Variants in FARS2 observed in about 807,000 individuals in gnomAD.
FARS2 encodes the protein phenylalanyl-tRNA synthetase 2, mitochondrial, also known as phenylalanine--tRNA ligase, mitochondrial.
Under a neutral mutation model 46.4 loss-of-function variants are expected in FARS2, and 40 were observed. That is an observed-to-expected ratio of 0.86 (90% CI 0.67 to 1.12). The LOEUF (loss-of-function observed/expected upper bound fraction) is 1.12. FARS2 is among the 50% of genes most tolerant of loss of function. The probability of loss-of-function intolerance (pLI) is 0.00; values close to 1 mark genes in which losing one functional copy is unlikely to be tolerated. For synonymous variants in FARS2, 234 were observed against 214.9 expected (o/e 1.09, Z -0.78); for missense variants, 513 against 567.9 (o/e 0.90, Z 0.98).
chr6:5,261,966 T>C lies in FARS2; in HGVS notation c.-22+306T>C, dbSNP rs573167630. On this transcript the variant is annotated intron_variant, in intron 1 of 6. Transcript: ENST00000274680. The stretch of plus-strand genomic sequence containing the variant: ...TATTAAAGTGGTGGATAAAGTTGCT[T>C]GTTCTGATCTTTGAGCATGGCACTG... Among the ~76,000 whole-genome samples, 5 of 152,312 alleles carry C rather than the reference T, an allele frequency of 3.3e-5. No individual in the cohort carries two copies. In the East Asian group the frequency reaches 9.7e-4, roughly 29 times the overall value.
chr6:5,734,181 G>C (rs1760807368), intron 6 of FARS2, among the ~76,000 whole-genome samples: 1 of 152,162 alleles, frequency 6.6e-6, no homozygotes, highest in Non-Finnish European at 1.5e-5. Flanking sequence ...AGAAAGCTAG[G>C]CTGGAGCAGG....
intron 6 of FARS2, among the ~76,000 whole-genome samples, chr6:5,652,528 G>A (rs1582675570): frequency 6.6e-6 from 1 of 152,338 alleles, no homozygotes; most frequent in African/African-American, 2.4e-5. Context: ...TCCCATCCCA[G>A]GCAGAAATGA....
chr6:5,264,285 A>T (rs1765391749), intron 1 of FARS2, among the ~76,000 whole-genome samples: 1 of 152,096 alleles, frequency 6.6e-6, no homozygotes, highest in Non-Finnish European at 1.5e-5. Context: ...AAAAGAAATT[A>T]TTCTATTCTA....
intron 1 of FARS2, among the ~76,000 whole-genome samples, chr6:5,324,379 C>T (rs569070010): frequency 6.7e-6 from 1 of 149,662 alleles, no homozygotes; most frequent in Non-Finnish European, 1.5e-5. Context: ...CTTTCTCTTT[C>T]CTTACTTGCC....
At chr6:5,477,514 C>T (rs1428003016) in intron 4 of FARS2, among the ~76,000 whole-genome samples, 7 of 152,118 alleles carry the variant, frequency 4.6e-5, no homozygotes, top group African/African-American at 7.2e-5. Context: ...TGTCTCACTG[C>T]GGCATCTCCA....
chr6:5,554,825 G>A (rs890223637), intron 5 of FARS2, among the ~76,000 whole-genome samples: 8 of 152,170 alleles, frequency 5.3e-5, no homozygotes, highest in African/African-American at 1.7e-4. Context: ...ACTCCAGAGA[G>A]CTCCTAATAT....
At chr6:5,489,315 G>A (rs10223437) in intron 4 of FARS2, among the ~76,000 whole-genome samples, 20,174 of 152,052 alleles carry the variant, frequency 0.13, 1,552 homozygotes, top group Non-Finnish European at 0.17. Flanking sequence ...ATAGCCAGGC[G>A]TGATGGTGCA....
At chr6:5,496,449 G>C (rs912635887) in intron 4 of FARS2, among the ~76,000 whole-genome samples, 4 of 152,102 alleles carry the variant, frequency 2.6e-5, no homozygotes, top group Admixed American at 2.0e-4. Flanking sequence ...CAAGAGATGA[G>C]GGTGTGCGTG....
intron 1 of FARS2, among the ~76,000 whole-genome samples, chr6:5,281,501 G>C (rs145344939): frequency 8.5e-5 from 13 of 152,148 alleles, no homozygotes; most frequent in Admixed American, 3.9e-4. Context: ...CCATTTTTAA[G>C]TGTGCAGTTC....
chr6:5,407,066 T>TATATATATATATATATAA (rs70975905), intron 3 of FARS2, among the ~76,000 whole-genome samples: 5,912 of 108,470 alleles, frequency 0.055, 539 homozygotes, highest in Non-Finnish European at 0.083. Context: ...TATATATATA[T>TATATATATATATATATAA]AATGACCAAT....
chr6:5,630,648 C>T lies in FARS2; in HGVS notation c.1217+17328C>T, dbSNP rs1217537584. ...TTTACCCGTTCTGATTTTCCTTCCT[C>T]GTATAGCTCACTTGAAGGGTGGGAT... On this transcript the variant is annotated intron_variant, in intron 6 of 6. Coordinates refer to ENST00000274680, the MANE Select transcript of FARS2 (RefSeq NM_006567.5). The surrounding 1 kb of genome is among the most constrained non-coding windows in gnomAD (Gnocchi z 4.2). 2.6e-5 allele frequency among the ~76,000 whole-genome samples: 4 copies of T among 152,188 alleles called. No individual in the cohort carries two copies. Among genetic ancestry groups the T allele is most frequent in the Admixed American group, 6.5e-5 (1 of 15,280 alleles).
intron 1 of FARS2, among the ~76,000 whole-genome samples, chr6:5,349,449 G>GT (rs200835315): frequency 2.6e-5 from 4 of 151,536 alleles, no homozygotes; most frequent in African/African-American, 4.8e-5. Context: ...TATCAGCAAA[G>GT]TTTTTTTTTC....
rs560971979 is a variant in FARS2 at position 5,579,597 on chromosome 6, T to G, written c.1066-33572T>G. Among the ~76,000 whole-genome samples the G allele has an allele frequency of 2.1e-3, 324 of 152,320 alleles. 2 individuals are homozygous for G. Among genetic ancestry groups the G allele is most frequent in the African/African-American group, 6.8e-3 (284 of 41,568 alleles). On this transcript the variant is annotated intron_variant, in intron 5 of 6. Transcript: ENST00000274680. ...ACTATTATGAGGTTTTAATGCCTGTTCTCTGGGTTTAGCAGAAGGAACAAG... is the reference window on the plus strand; with the variant it reads ...ACTATTATGAGGTTTTAATGCCTGTGCTCTGGGTTTAGCAGAAGGAACAAG...
chr6:5,482,279 A>G (rs1191788493), intron 4 of FARS2, among the ~76,000 whole-genome samples: 1 of 152,138 alleles, frequency 6.6e-6, no homozygotes, highest in Non-Finnish European at 1.5e-5. Flanking sequence ...TTATTTTGGC[A>G]GAATTATTTT....
intron 5 of FARS2, among the ~76,000 whole-genome samples, chr6:5,555,426 C>A (rs1771603360): frequency 6.6e-6 from 1 of 152,114 alleles, no homozygotes; most frequent in South Asian, 2.1e-4. Context: ...TTCTTCGTTT[C>A]TTTAATTCTT....
At chr6:5,260,598 T>TGCCCCGGCCCCCGGGCCCCCCCCC, upstream of FARS2, 1 of 1,105,570 alleles carries the variant, frequency 9.0e-7, no homozygotes, top group Non-Finnish European at 1.3e-6. Context: ...GCACCCCCGG[T>TGCCCCGGCCCCCGGGCCCCCCCCC]CCCCGGCCCC....
intron 3 of FARS2, among the ~76,000 whole-genome samples, chr6:5,410,504 T>C (rs988236699): frequency 1.3e-5 from 2 of 152,150 alleles, no homozygotes; most frequent in Non-Finnish European, 2.9e-5. Flanking sequence ...TAATTAGTTA[T>C]GGGTTTTGGG....
intron 6 of FARS2, among the ~76,000 whole-genome samples, chr6:5,624,319 A>G (rs1775924671): frequency 6.6e-6 from 1 of 152,168 alleles, no homozygotes; most frequent in Non-Finnish European, 1.5e-5. Flanking sequence ...GAATTAAATC[A>G]CAGTTTGTTC....
rs572108106 is a variant in FARS2 at position 5,454,601 on chromosome 6, C to T, written c.904+23429C>T. Among the ~76,000 whole-genome samples, 6 of 152,284 alleles carry T rather than the reference C, an allele frequency of 3.9e-5. No homozygotes were observed. In the East Asian group the frequency reaches 1.2e-3, roughly 29 times the overall value. On this transcript the variant is annotated intron_variant, in intron 4 of 6. Transcript: ENST00000274680. ...CCTTGTGACCCACCCACCTCAGCCTCTCAAAGTGCTGGGATTGCAGGCGTG... is the reference window on the plus strand; with the variant it reads ...CCTTGTGACCCACCCACCTCAGCCTTTCAAAGTGCTGGGATTGCAGGCGTG...
Sources: gnomAD v4.1 joint callset for allele counts (sites outside exome capture counted in the v4.1 genomes callset) on GRCh38, gnomAD v4.1.1 for gene constraint, Gnocchi (gnomAD v3.1) non-coding constraint, MANE v1.5 for transcripts, NCBI Gene and HGNC (gene_info 2026-07-23, HGNC 2026-07-21) for gene names.